The following MTDH variants were observed in gnomAD, a reference collection of about 807,000 sequenced individuals.
The protein encoded by MTDH is protein LYRIC.
Under a neutral mutation model 72.7 loss-of-function variants are expected in MTDH, and 34 were observed. The ratio of observed to expected loss-of-function variants is 0.47; its 90% CI spans 0.36 to 0.62. MTDH has a LOEUF of 0.62. MTDH is among the 20% of genes least tolerant of loss of function. The probability of loss-of-function intolerance (pLI) is 0.00; values close to 1 mark genes in which losing one functional copy is unlikely to be tolerated. For synonymous variants in MTDH, 266 were observed against 268.9 expected (o/e 0.99, Z 0.10); for missense variants, 677 against 699.4 (o/e 0.97, Z 0.36).
intron 5 of MTDH, 57 bp from the exon 6 acceptor site, chr8:97,690,895 T>G: frequency 8.4e-7 from 1 of 1,195,906 alleles, no homozygotes; most frequent in Middle Eastern, 2.2e-4. Context: ...TGTGAAAATA[T>G]CCCAGTTTTA....
At chr8:97,658,635 GGA>G (rs1286702860) in intron 1 of MTDH, among the ~76,000 whole-genome samples, 1 of 152,122 alleles carries the variant, frequency 6.6e-6, no homozygotes, top group Non-Finnish European at 1.5e-5. Context: ...TGATTATGAT[GGA>G]GAGTTTCCTG....
At chr8:97,705,126 G>A (rs1237215215) in intron 7 of MTDH, among the ~76,000 whole-genome samples, 1 of 151,992 alleles carries the variant, frequency 6.6e-6, no homozygotes, top group African/African-American at 2.4e-5. Flanking sequence ...GTGAAACCCT[G>A]TTTCTACTAA....
intron 10 of MTDH, 131 bp downstream of exon 10, chr8:97,719,320 C>A: frequency 1.2e-6 from 1 of 848,376 alleles, no homozygotes. Context: ...TAGTGAAACC[C>A]CGTCTCTACT....
At chr8:97,684,757 G>A (rs1476327920) in intron 2 of MTDH, among the ~76,000 whole-genome samples, 1 of 152,170 alleles carries the variant, frequency 6.6e-6, no homozygotes, top group Non-Finnish European at 1.5e-5. Flanking sequence ...AATCATTACA[G>A]AGTTTCTTTT....
At chr8:97,645,986 A>C (rs1171890699) in intron 1 of MTDH, among the ~76,000 whole-genome samples, 1 of 152,182 alleles carries the variant, frequency 6.6e-6, no homozygotes, top group Non-Finnish European at 1.5e-5. Context: ...CAAGGTATAC[A>C]CGTAGAGTCA....
intron 3 of MTDH, among the ~76,000 whole-genome samples, chr8:97,687,040 T>TG (rs1475933787): frequency 1.3e-5 from 2 of 152,148 alleles, no homozygotes; most frequent in Non-Finnish European, 2.9e-5. Context: ...ATGGTTTGTT[T>TG]GTTTTTCCCC....
chr8:97,698,530 G>GA (rs1455306153), intron 6 of MTDH, among the ~76,000 whole-genome samples: 2 of 152,008 alleles, frequency 1.3e-5, no homozygotes, highest in African/African-American at 4.8e-5. Flanking sequence ...CCTCACCTGA[G>GA]AAAAAACAAA....
chr8:97,687,517 A>T lies in MTDH; in HGVS notation c.657A>T (p.Ser219=), dbSNP rs758322199. 4 of 1,613,746 alleles carry T rather than the reference A, an allele frequency of 2.5e-6. No individual in the cohort carries two copies. Among genetic ancestry groups the T allele is most frequent in the Non-Finnish European group, 2.5e-6 (3 of 1,179,786 alleles). ...TGACTGATTCTGGTTCATTGGATTC[A>T]ACTATCCCTGGGATAGAAAATACCA... The part of the protein sequence containing the change: ...KVLTDSGSLD[S]TIPGIENTIT... Residue 219 remains serine (S), a synonymous_variant, in exon 4 of 12, where the codon TCA becomes TCT. Transcript: ENST00000336273.
intron 2 of MTDH, among the ~76,000 whole-genome samples, chr8:97,682,381 C>T (rs1272883932): frequency 7.1e-6 from 1 of 140,832 alleles, no homozygotes; most frequent in Admixed American, 7.3e-5. Context: ...TCACTGCAAC[C>T]TCCGCCTCCC....
At chr8:97,667,510 A>T (rs943758794) in intron 2 of MTDH, among the ~76,000 whole-genome samples, 1 of 152,226 alleles carries the variant, frequency 6.6e-6, no homozygotes, top group African/African-American at 2.4e-5. Flanking sequence ...TTGTGTGCCA[A>T]ATTAGCCACT....
rs1019866839 is a variant in MTDH at position 97,697,862 on chromosome 8, A to G, written c.1049-1892A>G. 3.9e-4 allele frequency among the ~76,000 whole-genome samples: 60 copies of G among 152,168 alleles called. 2 individuals are homozygous for G. Among genetic ancestry groups the G allele is most frequent in the Admixed American group, 3.9e-3 (60 of 15,262 alleles). ...CTTCCTCATTTGGTGACTCTGTACA[A>G]CACACATGCTATTCCCTTCATATAT... On this transcript the variant is annotated intron_variant, in intron 6 of 11. Coordinates refer to ENST00000336273, the MANE Select transcript of MTDH (RefSeq NM_178812.4).
intron 2 of MTDH, among the ~76,000 whole-genome samples, chr8:97,670,016 G>A (rs1038756738): frequency 4.6e-5 from 7 of 151,238 alleles, no homozygotes; most frequent in East Asian, 2.0e-4. Flanking sequence ...TTCTCTCACC[G>A]CTATAAAGAA....
At chr8:97,700,691 G>A (rs1466032915) in intron 7 of MTDH, among the ~76,000 whole-genome samples, 1 of 152,220 alleles carries the variant, frequency 6.6e-6, no homozygotes, top group African/African-American at 2.4e-5. Flanking sequence ...TTTCTATGTG[G>A]TAGGTTTTAT....
At chr8:97,653,856 C>T (rs1262728750) in intron 1 of MTDH, among the ~76,000 whole-genome samples, 1 of 152,196 alleles carries the variant, frequency 6.6e-6, no homozygotes, top group Non-Finnish European at 1.5e-5. Flanking sequence ...AGGCATCCGT[C>T]AGAATGTCTT....
chr8:97,719,261 A>C, intron 10 of MTDH, 72 bp downstream of exon 10: 1 of 1,504,656 alleles, frequency 6.6e-7, no homozygotes, highest in African/African-American at 1.4e-5. Context: ...TTGAGAGGCC[A>C]AGGTGGGCAG....
chr8:97,701,610 T>C (rs1209841542), intron 7 of MTDH, among the ~76,000 whole-genome samples: 3 of 152,134 alleles, frequency 2.0e-5, no homozygotes, highest in Non-Finnish European at 4.4e-5. Context: ...ATTTGTGCTT[T>C]AGGAAGAATT....
intron 11 of MTDH, among the ~76,000 whole-genome samples, chr8:97,723,295 G>A (rs2131091614): frequency 6.6e-6 from 1 of 151,820 alleles, no homozygotes; most frequent in Middle Eastern, 3.4e-3. Context: ...CTACTCGGGA[G>A]GCTGAGGCAG....
chr8:97,668,624 G>A (rs575813321), intron 2 of MTDH, among the ~76,000 whole-genome samples: 4 of 151,694 alleles, frequency 2.6e-5, no homozygotes, highest in South Asian at 2.1e-4. Flanking sequence ...GCACAATCTC[G>A]GCTCACTGCA....
At chr8:97,662,838 T>C (rs1205005826) in intron 2 of MTDH, among the ~76,000 whole-genome samples, 2 of 151,118 alleles carry the variant, frequency 1.3e-5, no homozygotes, top group Non-Finnish European at 3.0e-5. Context: ...TTCTTAATGC[T>C]TCCAATTTCA....
Sources: gnomAD v4.1 joint callset for allele counts (sites outside exome capture counted in the v4.1 genomes callset) on GRCh38, gnomAD v4.1.1 for gene constraint, MANE v1.5 for transcripts, NCBI Gene and HGNC (gene_info 2026-07-23, HGNC 2026-07-21) for gene names.